NSMCE2: variants seen among roughly 807,000 people sequenced by gnomAD.
NSMCE2 encodes NSE2 SUMO ligase component of SMC5/6 complex.
Under a neutral mutation model 23.8 loss-of-function variants are expected in NSMCE2, and 24 were observed. The ratio of observed to expected loss-of-function variants is 1.01; its 90% CI spans 0.73 to 1.42. NSMCE2 has a LOEUF of 1.42. Among genes scored for constraint, NSMCE2 ranks in the 40% most tolerant of loss-of-function variants. NSMCE2 has a pLI of 0.00. For synonymous variants in NSMCE2, 92 were observed against 94.1 expected (o/e 0.98, Z 0.13); for missense variants, 284 against 296.5 (o/e 0.96, Z 0.31).
At chr8:125,290,036 G>A (rs1828047243) in intron 5 of NSMCE2, among the ~76,000 whole-genome samples, 1 of 152,166 alleles carries the variant, frequency 6.6e-6, no homozygotes, top group African/African-American at 2.4e-5. Context: ...CCCTTGAATG[G>A]AAATGAGTCT....
At chr8:125,333,505 C>CTT (rs71295847) in intron 5 of NSMCE2, among the ~76,000 whole-genome samples, 2,213 of 45,612 alleles carry the variant, frequency 0.049, 751 homozygotes, top group African/African-American at 0.12. Flanking sequence ...CCTGGTGGTT[C>CTT]TTTTTTTTTT....
At chr8:125,304,791 G>A (rs1311463954) in intron 5 of NSMCE2, among the ~76,000 whole-genome samples, 5 of 151,366 alleles carry the variant, frequency 3.3e-5, no homozygotes, top group Non-Finnish European at 7.4e-5. Context: ...TTCTCATCAA[G>A]CGATGAGAAT....
At chr8:125,348,647 T>G (rs190751841) in intron 5 of NSMCE2, 3 of 152,254 alleles carry the variant, frequency 2.0e-5, no homozygotes, top group East Asian at 1.9e-4. Flanking sequence ...TCTCATGAGA[T>G]CTGATGGTTT....
intron 5 of NSMCE2, among the ~76,000 whole-genome samples, chr8:125,187,131 A>G (rs1823143240): frequency 6.6e-6 from 1 of 152,202 alleles, no homozygotes; most frequent in Non-Finnish European, 1.5e-5. Flanking sequence ...CATAATGGAA[A>G]GAATGTGGCT....
At chr8:125,343,931 G>T (rs958595369) in intron 5 of NSMCE2, among the ~76,000 whole-genome samples, 23 of 152,154 alleles carry the variant, frequency 1.5e-4, no homozygotes, top group African/African-American at 5.3e-4. Context: ...GCATGAACCT[G>T]GGAGGCAGAG....
intron 7 of NSMCE2, among the ~76,000 whole-genome samples, chr8:125,364,141 G>T (rs557984424): frequency 6.6e-6 from 1 of 152,068 alleles, no homozygotes; most frequent in South Asian, 2.1e-4. Context: ...ATAGGGTTTC[G>T]CCATGTTGGC....
intron 5 of NSMCE2, among the ~76,000 whole-genome samples, chr8:125,268,442 TAACAAC>T (rs956074202): frequency 1.3e-5 from 2 of 151,826 alleles, no homozygotes; most frequent in Admixed American, 6.6e-5. Context: ...ATCACTCCAT[TAACAAC>T]AACAACAACA....
chr8:125,293,753 A>G (rs1828209133), intron 5 of NSMCE2, among the ~76,000 whole-genome samples: 1 of 152,218 alleles, frequency 6.6e-6, no homozygotes, highest in Non-Finnish European at 1.5e-5. Context: ...TTAGACAGTT[A>G]TATCTCCTAC....
chr8:125,304,716 G>T (rs1286569009), intron 5 of NSMCE2, among the ~76,000 whole-genome samples: 2 of 151,926 alleles, frequency 1.3e-5, no homozygotes, highest in East Asian at 3.9e-4. Context: ...AATTAGCCAG[G>T]CATGGTAGCA....
intron 4 of NSMCE2, among the ~76,000 whole-genome samples, chr8:125,174,058 A>C (rs1025531599): frequency 6.6e-5 from 10 of 152,204 alleles, no homozygotes; most frequent in Non-Finnish European, 1.5e-4. Flanking sequence ...ACCTGTGTTT[A>C]AATTGAGCAC....
chr8:125,112,728 A>G (rs1378920896), intron 3 of NSMCE2, among the ~76,000 whole-genome samples: 1 of 152,200 alleles, frequency 6.6e-6, no homozygotes, highest in African/African-American at 2.4e-5. Context: ...GATGGTTACC[A>G]AGGGATTGGG....
intron 3 of NSMCE2, among the ~76,000 whole-genome samples, chr8:125,134,010 A>T (rs1468615279): frequency 6.6e-6 from 1 of 152,190 alleles, no homozygotes; most frequent in South Asian, 2.1e-4. Context: ...TGCATTTCTA[A>T]CAAGTTCCCA....
Position 125,222,710 on chromosome 8 carries a change from G to A in NSMCE2, c.418+40454G>A, listed in dbSNP as rs76169540. On this transcript the variant is annotated intron_variant, in intron 5 of 7. Coordinates refer to ENST00000287437, the MANE Select transcript of NSMCE2 (RefSeq NM_173685.4). ...CAAATGACAGAATTTCTTTTTAAAGGCTAGCTAGTATTCCATTGTATATGT... is the reference window on the plus strand; with the variant it reads ...CAAATGACAGAATTTCTTTTTAAAGACTAGCTAGTATTCCATTGTATATGT... 2.0e-3 allele frequency among the ~76,000 whole-genome samples: 312 copies of A among 152,226 alleles called. 2 individuals are homozygous for A. Among genetic ancestry groups the A allele is most frequent in the African/African-American group, 7.3e-3 (304 of 41,522 alleles).
At chr8:125,158,797 T>C (rs1821451875) in intron 4 of NSMCE2, among the ~76,000 whole-genome samples, 1 of 152,216 alleles carries the variant, frequency 6.6e-6, no homozygotes, top group African/African-American at 2.4e-5. Context: ...GCAGTGGTGC[T>C]GAATGGGCTA....
intron 5 of NSMCE2, among the ~76,000 whole-genome samples, chr8:125,247,617 C>T (rs1428126515): frequency 4.0e-5 from 6 of 151,420 alleles, no homozygotes; most frequent in Non-Finnish European, 5.9e-5. Context: ...CCCAGCTACT[C>T]GGGAGGCTGA....
chr8:125,109,017 C>T (rs1818602912), intron 3 of NSMCE2, among the ~76,000 whole-genome samples: 1 of 152,160 alleles, frequency 6.6e-6, no homozygotes, highest in Non-Finnish European at 1.5e-5. Flanking sequence ...GAAGGAAAGA[C>T]TTCAGGTGGC....
chr8:125,288,443 TC>T (rs1827981328), intron 5 of NSMCE2, among the ~76,000 whole-genome samples: 1 of 152,212 alleles, frequency 6.6e-6, no homozygotes, highest in Non-Finnish European at 1.5e-5. Context: ...CAATCACATT[TC>T]AATTATTTTG....
At chr8:125,304,943 G>C (rs1028670561) in intron 5 of NSMCE2, among the ~76,000 whole-genome samples, 1 of 24,356 alleles carries the variant, frequency 4.1e-5, no homozygotes, top group Non-Finnish European at 6.9e-5. Context: ...AAGAAAGGAA[G>C]GAAGGAAGGA....
chr8:125,177,523 C>T (rs1285580752), intron 4 of NSMCE2, among the ~76,000 whole-genome samples: 1 of 152,194 alleles, frequency 6.6e-6, no homozygotes, highest in Non-Finnish European at 1.5e-5. Context: ...ATTTAGCCTT[C>T]TGATAATTTA....
Sources: gnomAD v4.1 joint callset for allele counts (sites outside exome capture counted in the v4.1 genomes callset) on GRCh38, gnomAD v4.1.1 for gene constraint, MANE v1.5 for transcripts, NCBI Gene and HGNC (gene_info 2026-07-23, HGNC 2026-07-21) for gene names.